The following ACSM2A variants were observed in gnomAD, a reference collection of about 807,000 sequenced individuals.
The protein encoded by ACSM2A is acyl-coenzyme A synthetase ACSM2A, mitochondrial.
In ACSM2A, 72 loss-of-function variants were observed where a neutral mutation model predicts 76.6. The ratio of observed to expected loss-of-function variants is 0.94; its 90% CI spans 0.78 to 1.14. ACSM2A has a LOEUF of 1.14. Ranked by LOEUF, ACSM2A falls within the 50% of genes most tolerant of loss-of-function variation. The pLI, the probability that ACSM2A is intolerant of heterozygous loss-of-function variation, is 0.00. For missense variants in ACSM2A, 684 were observed against 708.5 expected, an observed-to-expected ratio of 0.97 and a Z score of 0.39; for synonymous variants, 249 against 255.9, an observed-to-expected ratio of 0.97 and a Z score of 0.26.
At chr16:20,485,490 C>T (rs1326923354) in intron 13 of ACSM2A, among the ~76,000 whole-genome samples, 3 of 152,222 alleles carry the variant, frequency 2.0e-5, no homozygotes, top group South Asian at 2.1e-4. Flanking sequence ...CCCTTCGGGG[C>T]CCAAATAGTA....
intron 7 of ACSM2A, 70 bp from the exon 8 acceptor site, chr16:20,475,580 A>C: frequency 6.2e-7 from 1 of 1,608,316 alleles, no homozygotes; most frequent in Non-Finnish European, 8.5e-7. Context: ...GCACCCAGAA[A>C]CCCAGTCTAG....
intron 10 of ACSM2A, among the ~76,000 whole-genome samples, chr16:20,479,726 C>T (rs760823249): frequency 5.9e-5 from 9 of 152,194 alleles, no homozygotes; most frequent in Non-Finnish European, 1.2e-4. Flanking sequence ...ATGGGCTTCT[C>T]CCCATTTGAC....
chr16:20,469,712 C>T lies in ACSM2A; in HGVS notation c.589C>T (p.Leu197=), dbSNP rs1404515606. ...TGATGGGTGGCTGAACTTCAAGAAA[C>T]TACTAAAGTGAGTATCTACATGTCT... ...SCDGWLNFKK[L]LNEASTTHHC... is the part of the protein sequence containing the mutation. Residue 197 remains leucine (L), a synonymous_variant, in exon 4 of 14, where the codon CTA becomes TTA. Transcript: ENST00000573854. 2 of 1,613,672 alleles carry T rather than the reference C, an allele frequency of 1.2e-6. No individual in the cohort carries two copies. Among genetic ancestry groups the T allele is most frequent in the African/African-American group, 1.3e-5 (1 of 74,884 alleles).
At chr16:20,471,284 A>G in intron 5 of ACSM2A, 68 bp downstream of exon 5, 1 of 1,572,802 alleles carries the variant, frequency 6.4e-7, no homozygotes, top group South Asian at 1.2e-5. Context: ...AATGAGACCC[A>G]ATTATATATT....
At chr16:20,475,896 C>T in intron 8 of ACSM2A, 123 bp downstream of exon 8, 1 of 1,535,610 alleles carries the variant, frequency 6.5e-7, no homozygotes, top group Non-Finnish European at 8.7e-7. Flanking sequence ...TATTGAGCCT[C>T]TATGAAGGGA....
intron 12 of ACSM2A, 190 bp downstream of exon 12, chr16:20,481,111 G>A: frequency 1.0e-5 from 7 of 695,038 alleles, no homozygotes; most frequent in Non-Finnish European, 1.7e-5. Context: ...TCTGTAAGAT[G>A]AGGGATTGTT....
chr16:20,481,840 A>G (rs1487036546), intron 12 of ACSM2A: 4 of 123,034 alleles, frequency 3.3e-5, no homozygotes, highest in African/African-American at 1.1e-4. Context: ...TACCCAATAC[A>G]TATGTACAAA....
At chr16:20,480,947 G>A (rs375645262) in intron 12 of ACSM2A, 26 bp downstream of exon 12, 6 of 1,613,454 alleles carry the variant, frequency 3.7e-6, no homozygotes, top group Non-Finnish European at 5.1e-6. Flanking sequence ...TAGCCTGGGG[G>A]TGAACACATA....
intron 4 of ACSM2A, 22 bp from the exon 5 acceptor site, chr16:20,471,051 T>C: frequency 6.2e-7 from 1 of 1,612,176 alleles, no homozygotes; most frequent in Non-Finnish European, 8.5e-7. Flanking sequence ...TCTGAAAAAA[T>C]GACAATCTGT....
intron 1 of ACSM2A, chr16:20,453,491 G>A (rs1423045198): frequency 6.8e-6 from 1 of 146,212 alleles, no homozygotes; most frequent in African/African-American, 2.6e-5. Context: ...ATCTTCATAA[G>A]CTCAGAATGT....
chr16:20,469,872 A>ATT (rs35674523), intron 4 of ACSM2A, among the ~76,000 whole-genome samples, 153 bp downstream of exon 4: 43 of 67,712 alleles, frequency 6.4e-4, no homozygotes, highest in South Asian at 3.3e-3. Context: ...ACACAAGGGT[A>ATT]TTTTTTTTTT....
At chr16:20,485,029 G>T (rs2014311812) in intron 13 of ACSM2A, among the ~76,000 whole-genome samples, 1 of 152,100 alleles carries the variant, frequency 6.6e-6, no homozygotes, top group Non-Finnish European at 1.5e-5. Context: ...AATAACCTCT[G>T]TGATCCTCAG....
chr16:20,473,179 G>A (rs2141732195), intron 6 of ACSM2A, among the ~76,000 whole-genome samples: 1 of 152,262 alleles, frequency 6.6e-6, no homozygotes, highest in Admixed American at 6.5e-5. Flanking sequence ...TCAAGCTAAG[G>A]CATAGATGAC....
intron 1 of ACSM2A, among the ~76,000 whole-genome samples, chr16:20,454,343 C>T (rs1302872043): frequency 6.6e-6 from 1 of 151,948 alleles, no homozygotes; most frequent in Admixed American, 6.6e-5. Flanking sequence ...TATGGGAGGA[C>T]ACTGGTGAAG....
Position 20,469,870 on chromosome 16 carries a change from GTATTTT to G in ACSM2A, c.596+153_596+158del, listed in dbSNP as rs1156586630. 161 of 616,200 alleles carry G rather than the reference GTATTTT, an allele frequency of 2.6e-4. 3 individuals are homozygous for G. The highest frequency in any genetic ancestry group is 8.1e-4 in the East Asian group (15 of 18,576). 38.2% of individuals were successfully genotyped at this position (616,200 alleles called of 1,614,324 possible). A position where few individuals can be genotyped will look rare whatever the true frequency, so the allele number is the denominator to read the frequency against. On this transcript the variant is annotated intron_variant, in intron 4 of 13. Transcript: ENST00000573854. ...GGAAGAAATAAAAGCTAACACAAGG[GTATTTT>G]TTTTTTTTTTTTTTTTTTTTCAAAT...
chr16:20,475,307 C>T (rs1428759023), intron 6 of ACSM2A, 55 bp from the exon 7 acceptor site: 6 of 1,612,704 alleles, frequency 3.7e-6, no homozygotes, highest in Non-Finnish European at 5.1e-6. Context: ...TGTGCATAGC[C>T]ATAAGTTGGC....
Position 20,480,907 on chromosome 16 carries a change from C to G in ACSM2A, c.1495C>G (p.Pro499Ala), listed in dbSNP as rs543127018. The change falls in exon 12 of 14, where the codon CCC (proline) becomes GCC (alanine). Residue 499 changes from proline to alanine, a missense_variant. By Grantham distance (27) the Pro-to-Ala change is conservative (BLOSUM62 -1). Transcript: ENST00000573854. ...GACGGCTGTGATCAGCAGCCCAGACCCCGTCCGAGGAGAGGTGATGGGGAA... is the reference window on the plus strand; with the variant it reads ...GACGGCTGTGATCAGCAGCCCAGACGCCGTCCGAGGAGAGGTGATGGGGAA... ...VETAVISSPD[P>A]VRGEVVKAFV... 6.2e-7 allele frequency: 1 copy of G among 1,613,850 alleles called. No homozygotes were observed. The highest frequency in any genetic ancestry group is 1.3e-5 in the African/African-American group (1 of 74,980).
intron 1 of ACSM2A, among the ~76,000 whole-genome samples, chr16:20,457,670 G>T (rs911221474): frequency 6.6e-6 from 1 of 152,018 alleles, no homozygotes; most frequent in Non-Finnish European, 1.5e-5. Flanking sequence ...ATACCTTAAT[G>T]TAATAAAAGC....
At chr16:20,470,024 G>A (rs2013288110) in intron 4 of ACSM2A, among the ~76,000 whole-genome samples, 1 of 151,848 alleles carries the variant, frequency 6.6e-6, no homozygotes, top group African/African-American at 2.4e-5. Context: ...GTCCCCACAG[G>A]TTCAGGGTTG....
Sources: allele counts gnomAD v4.1 joint callset (sites outside exome capture counted in the v4.1 genomes callset), GRCh38; gene constraint gnomAD v4.1.1; transcripts MANE v1.5; gene names NCBI Gene and HGNC (gene_info 2026-07-23, HGNC 2026-07-21).